The following HCN4 variants were observed in gnomAD, a reference collection of about 807,000 sequenced individuals.
The protein encoded by HCN4 is hyperpolarization activated cyclic nucleotide gated potassium channel 4.
Under a neutral mutation model 76.9 loss-of-function variants are expected in HCN4, and 29 were observed. The ratio of observed to expected loss-of-function variants is 0.38; its 90% CI spans 0.28 to 0.51. HCN4 has a LOEUF of 0.51. Among genes scored for constraint, HCN4 ranks in the 20% least tolerant of loss-of-function variants. The pLI, the probability that HCN4 is intolerant of heterozygous loss-of-function variation, is 0.90. For missense variants in HCN4, 1,416 were observed against 1,715.2 expected, an observed-to-expected ratio of 0.83 and a Z score of 3.08; for synonymous variants, 772 against 762.5, an observed-to-expected ratio of 1.01 and a Z score of -0.21.
At position 73,323,891 on chromosome 15, in the gene HCN4, G is replaced by A; in HGVS notation, c.2202C>T (p.Phe734=). ...GGATGATCTCATTCTCCTGGTAGTT[G>A]AAGACGCCGGAGTTGAGGTCGTGCT... ...KVQHDLNSGV[F]NYQENEIIQQ... is the part of the protein sequence containing the mutation. Residue 734 remains phenylalanine, a synonymous_variant, in exon 8 of 8, where the codon TTC becomes TTT. Coordinates refer to ENST00000261917, the MANE Select transcript of HCN4 (RefSeq NM_005477.3). 1 of 1,603,834 alleles carries A rather than the reference G, an allele frequency of 6.2e-7. No homozygotes were observed. The highest frequency in any genetic ancestry group is 8.5e-7 in the Non-Finnish European group (1 of 1,179,952).
chr15:73,356,694 C>T (rs1285820443), intron 1 of HCN4, among the ~76,000 whole-genome samples: 1 of 152,014 alleles, frequency 6.6e-6, no homozygotes, highest in African/African-American at 2.4e-5. Context: ...TCTGGGGACA[C>T]AGAGCTGGAG....
At chr15:73,362,898 T>G (rs983060708) in intron 1 of HCN4, among the ~76,000 whole-genome samples, 1 of 152,174 alleles carries the variant, frequency 6.6e-6, no homozygotes, top group African/African-American at 2.4e-5. Flanking sequence ...AGCCAGGCAG[T>G]ATGGGGATCC....
At position 73,343,464 on chromosome 15, in the gene HCN4, A is replaced by G. The variant is rs1298265570; in HGVS notation, c.1130T>C (p.Val377Ala). 1 of 1,614,196 alleles carries G rather than the reference A, an allele frequency of 6.2e-7. No individual in the cohort carries two copies. Residue 377 changes from valine to alanine, a missense_variant, in exon 2 of 8, where the codon GTC becomes GCC. This residue lies in a region of HCN4 where 112 missense variants were observed against 259.9 expected (regional missense o/e 0.43). Coordinates refer to ENST00000261917, the MANE Select transcript of HCN4 (RefSeq NM_005477.3). This position sits in a 1 kb window ranked among gnomAD's most constrained non-coding sequence, Gnocchi z 5.7. ...VYKTARALRI[V>A]RFTKILSLLR... ...GAGGCTGAGGATCTTCGTGAAGCGG[A>G]CAATGCGCAGGGCCCGGGCAGTCTT...
At chr15:73,329,184 G>A (rs547185320) in intron 4 of HCN4, among the ~76,000 whole-genome samples, 1 of 152,274 alleles carries the variant, frequency 6.6e-6, no homozygotes, top group Admixed American at 6.5e-5. Context: ...AATGGGGGCA[G>A]GGGACTGGCC....
intron 1 of HCN4, among the ~76,000 whole-genome samples, chr15:73,355,573 G>A (rs1055984228): frequency 3.9e-4 from 59 of 152,328 alleles, no homozygotes; most frequent in African/African-American, 1.3e-3. Context: ...GGCTGGGAAA[G>A]TTATAGAGGA....
intron 1 of HCN4, among the ~76,000 whole-genome samples, chr15:73,363,800 G>A (rs993961927): frequency 1.3e-5 from 2 of 152,238 alleles, no homozygotes; most frequent in South Asian, 2.1e-4. Context: ...TTCTCACCTC[G>A]GCAGGGCGAC....
chr15:73,354,918 C>G (rs1004951910), intron 1 of HCN4, among the ~76,000 whole-genome samples: 1 of 152,140 alleles, frequency 6.6e-6, no homozygotes, highest in Non-Finnish European at 1.5e-5. Context: ...CACCCCACAG[C>G]GGAGCTGAAA....
chr15:73,343,851 G>A lies in HCN4; in HGVS notation c.786-43C>T. On this transcript the variant is annotated intron_variant, in intron 1 of 7. Coordinates refer to ENST00000261917, the MANE Select transcript of HCN4 (RefSeq NM_005477.3). This position sits in a 1 kb window ranked among gnomAD's most constrained non-coding sequence, Gnocchi z 5.7. ...GGTCAGTCGCCAGGAAGAGAGAGAG[G>A]ACAAGTTACAGACTAAGGGAGGAAG... 2 of 1,595,164 alleles carry A rather than the reference G, an allele frequency of 1.3e-6. No homozygotes were observed. Among genetic ancestry groups the A allele is most frequent in the Non-Finnish European group, 1.7e-6 (2 of 1,164,078 alleles).
intron 1 of HCN4, among the ~76,000 whole-genome samples, chr15:73,353,007 TG>T (rs1567792466): frequency 9.4e-6 from 1 of 106,694 alleles, no homozygotes; most frequent in Non-Finnish European, 2.3e-5. Context: ...GATGGACAGA[TG>T]GATGGATGGA....
Position 73,322,831 on chromosome 15 carries a change from C to G in HCN4, c.3262G>C (p.Ala1088Pro), listed in dbSNP as rs1050326641. ...RLTQDLKLIS[A>P]SQPALPQDGA... ...TCCTGAGGCAGGGCTGGCTGAGACG[C>G]GGAGATGAGCTTGAGGTCCTGGGTG... Residue 1088 changes from alanine to proline, a missense_variant, in exon 8 of 8, where the codon GCG becomes CCG. Ala to Pro is a conservative substitution (Grantham distance 27, BLOSUM62 -1). This residue lies in a region of HCN4 where 633 missense variants were observed against 579.8 expected (regional missense o/e 1.09). Coordinates refer to ENST00000261917, the MANE Select transcript of HCN4 (RefSeq NM_005477.3). 2 of 1,522,264 alleles carry G rather than the reference C, an allele frequency of 1.3e-6. No homozygotes were observed. Among genetic ancestry groups the G allele is most frequent in the Non-Finnish European group, 1.8e-6 (2 of 1,136,716 alleles). The allele number at this position is 1,522,264 out of a possible 1,614,324, so 94.3% of individuals were successfully genotyped here. A position where few individuals can be genotyped will look rare whatever the true frequency, so the allele number is the denominator to read the frequency against.
intron 7 of HCN4, 42 bp downstream of exon 7, chr15:73,324,047 C>CAACA (rs2042883079): frequency 6.2e-7 from 1 of 1,606,956 alleles, no homozygotes; most frequent in South Asian, 1.1e-5. Flanking sequence ...CCTCCTCCCC[C>CAACA]AACACCCCCC....
In HCN4 at chr15:73,368,001, G is replaced by A. The variant is rs2043137309; in HGVS notation, c.270C>T (p.Asn90=). The change falls in exon 1 of 8, where the codon AAC becomes AAT. Residue 90 remains asparagine, a synonymous_variant. Transcript: ENST00000261917. This position sits in a 1 kb window ranked among gnomAD's most constrained non-coding sequence, Gnocchi z 6.9. ...PARGAGKSST[N]GDCRRFRGSL... Reference sequence around the variant, plus strand: ...TCCCGCGGAAGCGCCTGCAGTCGCCGTTCGTGCTGGACTTGCCCGCGCCGC... The same window carrying A: ...TCCCGCGGAAGCGCCTGCAGTCGCCATTCGTGCTGGACTTGCCCGCGCCGC... The A allele has an allele frequency of 4.4e-6, 6 of 1,374,926 alleles. No individual in the cohort carries two copies. The East Asian group carries it at 1.9e-4, about 43-fold the overall frequency. 85.2% of individuals were successfully genotyped at this position (1,374,926 alleles called of 1,614,324 possible).
chr15:73,343,308 C>G lies in HCN4; in HGVS notation c.1209+77G>C. ...AATCTGACAGCCTATGTTCAATTAT[C>G]TGAGGTTCCCTGCCAGTTCCTCACT... is the stretch of plus-strand genomic sequence containing the variant. On this transcript the variant is annotated intron_variant, in intron 2 of 7. Coordinates refer to ENST00000261917, the MANE Select transcript of HCN4 (RefSeq NM_005477.3). The surrounding 1 kb of genome is among the most constrained non-coding windows in gnomAD (Gnocchi z 5.7). 1 of 1,411,116 alleles carries G rather than the reference C, an allele frequency of 7.1e-7. No individual in the cohort carries two copies. 87.4% of individuals were successfully genotyped at this position (1,411,116 alleles called of 1,614,324 possible).
At chr15:73,363,501 T>C (rs575597719) in intron 1 of HCN4, among the ~76,000 whole-genome samples, 2 of 152,114 alleles carry the variant, frequency 1.3e-5, no homozygotes, top group South Asian at 4.2e-4. Flanking sequence ...AGGCCCAGGC[T>C]CTCTTCTGGG....
intron 1 of HCN4, among the ~76,000 whole-genome samples, chr15:73,350,901 A>C (rs982559410): frequency 6.6e-6 from 1 of 152,048 alleles, no homozygotes; most frequent in African/African-American, 2.4e-5. Flanking sequence ...AGCTCCTTGA[A>C]GGAGGTGTCA....
Position 73,365,689 on chromosome 15 carries a change from T to C in HCN4, c.785+1797A>G, listed in dbSNP as rs544231537. 5.9e-5 allele frequency among the ~76,000 whole-genome samples: 9 copies of C among 152,302 alleles called. No homozygotes were observed. The South Asian group carries it at 1.0e-3, about 18-fold the overall frequency. On this transcript the variant is annotated intron_variant, in intron 1 of 7. Coordinates refer to ENST00000261917, the MANE Select transcript of HCN4 (RefSeq NM_005477.3). The stretch of plus-strand genomic sequence containing the variant: ...CATCCAGAAGGTCCCCGGCCAATGC[T>C]TGCTGCTGAGGGAGGCTGGGCATGC...
chr15:73,325,825 G>A lies in HCN4; in HGVS notation c.1591-381C>T, dbSNP rs964077897. On this transcript the variant is annotated intron_variant, in intron 4 of 7. Coordinates refer to ENST00000261917, the MANE Select transcript of HCN4 (RefSeq NM_005477.3). The surrounding 1 kb of genome is among the most constrained non-coding windows in gnomAD (Gnocchi z 7.4). ...GACAGGGAGGCCTCACCGACTCTGC[G>A]GGGAAAGAAGCTGTTTCCTCCCAGC... 2.0e-5 allele frequency among the ~76,000 whole-genome samples: 3 copies of A among 152,162 alleles called. No individual in the cohort carries two copies. Among genetic ancestry groups the A allele is most frequent in the East Asian group, 1.9e-4 (1 of 5,188 alleles).
intron 4 of HCN4, 95 bp downstream of exon 4, chr15:73,329,478 A>G: frequency 1.8e-6 from 2 of 1,133,236 alleles, no homozygotes; most frequent in South Asian, 1.3e-5. Flanking sequence ...GTGGGGTGGG[A>G]GCAGGGGGCG....
intron 1 of HCN4, among the ~76,000 whole-genome samples, chr15:73,360,105 C>T (rs1347188869): frequency 1.3e-5 from 2 of 152,212 alleles, no homozygotes; most frequent in Non-Finnish European, 2.9e-5. Flanking sequence ...AGGCTCCCTT[C>T]TCATGGGAGC....
Sources: gnomAD v4.1 joint callset for allele counts (sites outside exome capture counted in the v4.1 genomes callset) on GRCh38, gnomAD v4.1.1 for gene constraint, gnomAD v4.1.1 regional missense constraint, Gnocchi (gnomAD v3.1) non-coding constraint, MANE v1.5 for transcripts, NCBI Gene and HGNC (gene_info 2026-07-23, HGNC 2026-07-21) for gene names.